The following SYNJ1 variants were observed in gnomAD, a reference collection of about 807,000 sequenced individuals.
The protein encoded by SYNJ1 is polyphosphatidylinositol phosphatase SYNJ1.
A neutral mutation model predicts 168.2 loss-of-function variants in SYNJ1; 78 were observed. That is an observed-to-expected ratio of 0.46 (90% CI 0.39 to 0.56). The LOEUF (loss-of-function observed/expected upper bound fraction) is 0.56. SYNJ1 is among the 20% of genes least tolerant of loss of function. SYNJ1 has a pLI of 0.00. For synonymous variants in SYNJ1, 539 were observed against 548.6 expected, an observed-to-expected ratio of 0.98 and a Z score of 0.24; for missense variants, 1,303 against 1,597.6, an observed-to-expected ratio of 0.82 and a Z score of 3.14.
chr21:32,674,369 T>C (rs1488647849), intron 13 of SYNJ1, among the ~76,000 whole-genome samples: 1 of 152,236 alleles, frequency 6.6e-6, no homozygotes, highest in Admixed American at 6.5e-5. Context: ...TGCCCTTAAC[T>C]TTCCATTATC....
chr21:32,691,604 G>A (rs907420402), intron 6 of SYNJ1, among the ~76,000 whole-genome samples: 1 of 152,142 alleles, frequency 6.6e-6, no homozygotes, highest in Non-Finnish European at 1.5e-5. Context: ...TAAGTAAAAG[G>A]AAAATCACAA....
At position 32,722,444 on chromosome 21, in the gene SYNJ1, G is replaced by A. The variant is rs188595948; in HGVS notation, c.124+4328C>T. Among the ~76,000 whole-genome samples, 993 of 152,018 alleles carry A rather than the reference G, an allele frequency of 6.5e-3. 6 individuals carry two copies. Among genetic ancestry groups the A allele is most frequent in the Non-Finnish European group, 0.011 (766 of 67,958 alleles). The stretch of plus-strand genomic sequence containing the variant: ...GTGCGCCTGTAGTCCCAGCTACTCA[G>A]GAAGCTGAGGCACGAGAATCACTTG... On this transcript the variant is annotated intron_variant, in intron 2 of 32. Coordinates refer to ENST00000674351, the MANE Select transcript of SYNJ1 (RefSeq NM_203446.3).
intron 31 of SYNJ1, among the ~76,000 whole-genome samples, chr21:32,635,725 G>T (rs1569021566): frequency 6.6e-6 from 1 of 151,942 alleles, no homozygotes; most frequent in Non-Finnish European, 1.5e-5. Context: ...TACTCATCCA[G>T]CTTGTTTTAT....
Position 32,727,955 on chromosome 21 carries a change from C to G in SYNJ1, c.-32G>C. 1 of 1,533,884 alleles carries G rather than the reference C, an allele frequency of 6.5e-7. No individual in the cohort carries two copies. The highest frequency in any genetic ancestry group is 8.7e-7 in the Non-Finnish European group (1 of 1,145,928). On this transcript the variant is annotated 5_prime_UTR_variant, in exon 1 of 33. Coordinates refer to ENST00000674351, the MANE Select transcript of SYNJ1 (RefSeq NM_203446.3). ...CCGCCGGCTTGCTCACCTCTTCCTC[C>G]GGCTCCTCCTCCTCCTTCTCCCGCA...
At chr21:32,722,010 A>C (rs2043241754) in intron 2 of SYNJ1, among the ~76,000 whole-genome samples, 1 of 150,768 alleles carries the variant, frequency 6.6e-6, no homozygotes, top group Non-Finnish European at 1.5e-5. Context: ...ACATGGAGAA[A>C]CCCTGTCTCT....
chr21:32,655,328 T>C (rs2040417210), intron 21 of SYNJ1, among the ~76,000 whole-genome samples: 1 of 152,254 alleles, frequency 6.6e-6, no homozygotes, highest in African/African-American at 2.4e-5. Flanking sequence ...TGGCAAAGTA[T>C]ACTGTCATCT....
chr21:32,670,941 G>C (rs747175152), intron 14 of SYNJ1: 3 of 463,290 alleles, frequency 6.5e-6, no homozygotes, highest in African/African-American at 2.1e-5. Context: ...ACGGAGAACA[G>C]AGCTGCCTGA....
At chr21:32,645,607 A>C in intron 25 of SYNJ1, 39 bp downstream of exon 25, 2 of 1,495,590 alleles carry the variant, frequency 1.3e-6, no homozygotes. Context: ...AGAGTGAAGA[A>C]TTTTACATCT....
chr21:32,709,337 C>T (rs1245015356), intron 2 of SYNJ1, among the ~76,000 whole-genome samples: 3 of 151,946 alleles, frequency 2.0e-5, no homozygotes, highest in African/African-American at 4.8e-5. Context: ...ATTAGCAGGG[C>T]GTGGTGGCGC....
chr21:32,670,386 T>C lies in SYNJ1; in HGVS notation c.1727-14A>G, dbSNP rs1228137860. 1.2e-6 allele frequency: 2 copies of C among 1,600,554 alleles called. No individual in the cohort carries two copies. The highest frequency in any genetic ancestry group is 1.7e-6 in the Non-Finnish European group (2 of 1,169,154). ...TACTTCTTTTATCTAAAATTAAGCATCCAAGAAATACTTTTAAATATAGCC... is the reference window on the plus strand; with the variant it reads ...TACTTCTTTTATCTAAAATTAAGCACCCAAGAAATACTTTTAAATATAGCC... On this transcript the variant is annotated splice_polypyrimidine_tract_variant and intron_variant, in intron 14 of 32. Transcript: ENST00000674351.
At chr21:32,686,912 T>C (rs1601421832) in intron 8 of SYNJ1, 66 bp downstream of exon 8, 1 of 1,086,178 alleles carries the variant, frequency 9.2e-7, no homozygotes, top group Non-Finnish European at 1.3e-6. Context: ...TACTGTATTA[T>C]TTTATTTTTT....
chr21:32,687,850 T>A (rs564337654), intron 7 of SYNJ1, among the ~76,000 whole-genome samples: 1 of 152,168 alleles, frequency 6.6e-6, no homozygotes, highest in Non-Finnish European at 1.5e-5. Flanking sequence ...GGGTTCCACA[T>A]GGCCGACTGT....
intron 25 of SYNJ1, among the ~76,000 whole-genome samples, 178 bp from the exon 26 acceptor site, chr21:32,645,184 TATTTA>T (rs1433322505): frequency 1.3e-5 from 2 of 152,248 alleles, no homozygotes; most frequent in African/African-American, 2.4e-5. Context: ...AACAGCACTA[TATTTA>T]ATTTAAAAGA....
intron 17 of SYNJ1, 43 bp from the exon 18 acceptor site, chr21:32,665,114 G>C: frequency 6.5e-7 from 1 of 1,539,352 alleles, no homozygotes; most frequent in Non-Finnish European, 8.8e-7. Flanking sequence ...AACAATCAAT[G>C]TTCAAAAATG....
chr21:32,664,224 A>C (rs2040831437), intron 18 of SYNJ1, among the ~76,000 whole-genome samples: 1 of 152,206 alleles, frequency 6.6e-6, no homozygotes, highest in Non-Finnish European at 1.5e-5. Flanking sequence ...AATCACTATC[A>C]ATCTGTCTTG....
intron 2 of SYNJ1, among the ~76,000 whole-genome samples, chr21:32,710,419 A>G (rs1032578835): frequency 3.3e-5 from 5 of 152,226 alleles, no homozygotes; most frequent in Non-Finnish European, 7.4e-5. Context: ...CTGGCCAATT[A>G]TCTTGAGACA....
intron 2 of SYNJ1, among the ~76,000 whole-genome samples, chr21:32,711,628 C>T (rs1286333527): frequency 1.3e-5 from 2 of 152,184 alleles, no homozygotes; most frequent in African/African-American, 4.8e-5. Context: ...CCGCGCCCAG[C>T]AATGACTTAT....
intron 13 of SYNJ1, among the ~76,000 whole-genome samples, chr21:32,673,858 T>C (rs1264261167): frequency 6.6e-6 from 1 of 152,196 alleles, no homozygotes; most frequent in Non-Finnish European, 1.5e-5. Context: ...TACATTAATG[T>C]ACAAATCCAA....
In SYNJ1 at chr21:32,666,015, A is replaced by G. The variant is rs1433325531; in HGVS notation, c.2073T>C (p.Ala691=). ...TTTCTTTGACTTGTGACTGCCCTGC[A>G]GCAAAGTGGCTACAGACGAAGCAAA... ...TSLCFVCSHF[A]AGQSQVKERN... Residue 691 remains alanine, a synonymous_variant, in exon 17 of 33, where the codon GCT becomes GCC. Transcript: ENST00000674351. 6.2e-7 allele frequency: 1 copy of G among 1,614,098 alleles called. No individual in the cohort carries two copies. The highest frequency in any genetic ancestry group is 1.1e-5 in the South Asian group (1 of 91,058).
Sources: gnomAD v4.1 joint callset for allele counts (sites outside exome capture counted in the v4.1 genomes callset) on GRCh38, gnomAD v4.1.1 for gene constraint, MANE v1.5 for transcripts, NCBI Gene and HGNC (gene_info 2026-07-23, HGNC 2026-07-21) for gene names.